GLRA2: variants seen among roughly 807,000 people sequenced by gnomAD.
The protein encoded by GLRA2 is glycine receptor subunit alpha-2.
A neutral mutation model predicts 31.6 loss-of-function variants in GLRA2; 11 were observed. That is an observed-to-expected ratio of 0.35 (90% CI 0.22 to 0.58). The LOEUF (loss-of-function observed/expected upper bound fraction) is 0.58. Among genes scored for constraint, GLRA2 ranks in the 20% least tolerant of loss-of-function variants. The pLI, the probability that GLRA2 is intolerant of heterozygous loss-of-function variation, is 0.84. For synonymous variants in GLRA2, 132 were observed against 134.0 expected (o/e 0.99, Z 0.10); for missense variants, 212 against 351.8 (o/e 0.60, Z 3.18).
chrX:14,556,700 A>C (rs1208427596), intron 2 of GLRA2, among the ~76,000 whole-genome samples: 3 of 112,224 alleles, frequency 2.7e-5, no homozygotes, highest in Non-Finnish European at 3.8e-5. Context: ...GCAATGAACA[A>C]AAAAGCAGCA....
the GLRA2 span, among the ~76,000 whole-genome samples, chrX:14,514,403 A>C: frequency 1.3e-3 from 148 of 111,391 alleles, 1 homozygote; most frequent in Non-Finnish European, 1.6e-3. Context: ...TATGGAAATA[A>C]AAAATAAGTT....
chrX:14,585,197 C>T (rs1037347280), intron 4 of GLRA2, among the ~76,000 whole-genome samples: 10 of 111,215 alleles, frequency 9.0e-5, no homozygotes, highest in East Asian at 2.8e-4. Flanking sequence ...ACAAGCTGTT[C>T]GGAGATTTGA....
At chrX:14,669,414 C>T (rs1031138886) in intron 7 of GLRA2, among the ~76,000 whole-genome samples, 6 of 111,771 alleles carry the variant, frequency 5.4e-5, no homozygotes, top group African/African-American at 1.6e-4. Flanking sequence ...TCAGTAGGGA[C>T]TCTGTGTGGG....
At chrX:14,538,364 GTTA>G (rs2089354694) in intron 2 of GLRA2, among the ~76,000 whole-genome samples, 2 of 111,878 alleles carry the variant, frequency 1.8e-5, no homozygotes, top group South Asian at 3.7e-4. Context: ...GATAATTTGA[GTTA>G]TTATTGCAAT....
intron 1 of GLRA2, among the ~76,000 whole-genome samples, chrX:14,531,943 T>C (rs1346613259): frequency 1.8e-5 from 2 of 111,748 alleles, no homozygotes. Context: ...GTTTTAACTA[T>C]ATATACATAA....
At chrX:14,535,590 G>A (rs142954443) in intron 2 of GLRA2, among the ~76,000 whole-genome samples, 150 of 112,372 alleles carry the variant, frequency 1.3e-3, no homozygotes, top group Non-Finnish European at 2.1e-3. Context: ...CCATAGAGAC[G>A]TGTTTCAGAT....
chrX:14,610,907 G>A (rs184784950), intron 7 of GLRA2, among the ~76,000 whole-genome samples: 9 of 112,211 alleles, frequency 8.0e-5, no homozygotes, highest in Non-Finnish European at 1.3e-4. Flanking sequence ...ACTGATCAGG[G>A]ATCTTTGTAT....
intron 4 of GLRA2, among the ~76,000 whole-genome samples, chrX:14,589,849 A>G (rs909564350): frequency 1.6e-4 from 18 of 109,133 alleles, no homozygotes; most frequent in Non-Finnish European, 3.0e-4. Context: ...AAAGGTCCTT[A>G]TCTTTATTAA....
chrX:14,480,346 G>A, the GLRA2 span, among the ~76,000 whole-genome samples: 5 of 111,869 alleles, frequency 4.5e-5, no homozygotes, highest in Non-Finnish European at 9.4e-5. Flanking sequence ...TTCTTTTGCT[G>A]TGCAGAAGCT....
chrX:14,524,742 T>TTG (rs113079569), upstream of GLRA2, among the ~76,000 whole-genome samples: 7,365 of 105,149 alleles, frequency 0.07, 226 homozygotes, highest in African/African-American at 0.11. Flanking sequence ...TTCAACATAT[T>TTG]TGTGTGTGTG....
At chrX:14,590,986 G>C (rs2090139333) in intron 4 of GLRA2, among the ~76,000 whole-genome samples, 1 of 111,558 alleles carries the variant, frequency 9.0e-6, no homozygotes, top group South Asian at 3.8e-4. Flanking sequence ...TGTTTTTGGA[G>C]AGGGGCTCTT....
intron 7 of GLRA2, among the ~76,000 whole-genome samples, chrX:14,611,914 T>C (rs1245242161): frequency 2.7e-5 from 3 of 112,085 alleles, no homozygotes; most frequent in Non-Finnish European, 5.6e-5. Context: ...ATGGCAAATA[T>C]CGCAATTACT....
At chrX:14,460,583 T>C in the GLRA2 span, among the ~76,000 whole-genome samples, 1 of 112,059 alleles carries the variant, frequency 8.9e-6, no homozygotes, top group Non-Finnish European at 1.9e-5. Context: ...TTGGTTAATC[T>C]TGGGAGGGTG....
the GLRA2 span, among the ~76,000 whole-genome samples, chrX:14,472,678 A>G: frequency 1.8e-5 from 2 of 111,550 alleles, no homozygotes; most frequent in Non-Finnish European, 3.8e-5. Context: ...AATGGCTTCC[A>G]GCTCCTGTCG....
chrX:14,572,217 C>T (rs1043871081), intron 2 of GLRA2, among the ~76,000 whole-genome samples: 1 of 112,285 alleles, frequency 8.9e-6, no homozygotes, highest in African/African-American at 3.2e-5. Flanking sequence ...CTAAATGCTT[C>T]CAAGCCAGTT....
At chrX:14,525,359 C>A (rs1314546180), upstream of GLRA2, among the ~76,000 whole-genome samples, 1 of 111,145 alleles carries the variant, frequency 9.0e-6, no homozygotes, top group Non-Finnish European at 1.9e-5. Flanking sequence ...CTTTTCAAAG[C>A]TCCTAAATCT....
intron 2 of GLRA2, among the ~76,000 whole-genome samples, chrX:14,570,981 T>C (rs751499969): frequency 4.5e-5 from 5 of 110,096 alleles, no homozygotes; most frequent in Non-Finnish European, 9.5e-5. Flanking sequence ...ATACTTGAAT[T>C]ATGGCCAGGC....
chrX:14,604,831 G>A (rs1215215393), intron 5 of GLRA2, among the ~76,000 whole-genome samples: 1 of 110,066 alleles, frequency 9.1e-6, no homozygotes, highest in Non-Finnish European at 1.9e-5. Context: ...CACCCCAAAA[G>A]GAATTCTGGC....
chrX:14,511,105 T>C, the GLRA2 span, among the ~76,000 whole-genome samples: 258 of 111,582 alleles, frequency 2.3e-3, 1 homozygote, highest in African/African-American at 8.0e-3. Context: ...AAAGCTTATT[T>C]TCTAACTATA....
Sources: gnomAD v4.1 joint callset for allele counts (sites outside exome capture counted in the v4.1 genomes callset) on GRCh38, gnomAD v4.1.1 for gene constraint, MANE v1.5 for transcripts, NCBI Gene and HGNC (gene_info 2026-07-23, HGNC 2026-07-21) for gene names.